Variants in HCN1 observed in about 807,000 individuals in gnomAD.
HCN1 encodes the protein hyperpolarization activated cyclic nucleotide gated potassium channel 1, also known as potassium/sodium hyperpolarization-activated cyclic nucleotide-gated channel 1.
HCN1 carries 13 observed loss-of-function variants against 78.9 expected under a neutral mutation model. The ratio of observed to expected loss-of-function variants is 0.16; its 90% CI spans 0.11 to 0.26. The LOEUF is 0.26. HCN1 is among the 10% of genes least tolerant of loss of function. The pLI, the probability that HCN1 is intolerant of heterozygous loss-of-function variation, is 1.00. For missense variants in HCN1, 810 were observed against 1,154.3 expected (o/e 0.70, Z 4.32); for synonymous variants, 552 against 455.5 (o/e 1.21, Z -2.70).
chr5:45,640,876 C>T (rs1745442587), intron 2 of HCN1, among the ~76,000 whole-genome samples: 1 of 147,344 alleles, frequency 6.8e-6, no homozygotes, highest in African/African-American at 2.5e-5. Context: ...AAAAAAAAAG[C>T]CTTTCCAAAT....
At chr5:45,328,394 C>T (rs1014814860) in intron 5 of HCN1, among the ~76,000 whole-genome samples, 1 of 151,560 alleles carries the variant, frequency 6.6e-6, no homozygotes, top group Admixed American at 6.6e-5. Context: ...TTATGGCTCT[C>T]TGGCATATAC....
chr5:45,684,600 C>G (rs1265084316), intron 1 of HCN1, among the ~76,000 whole-genome samples: 2 of 152,190 alleles, frequency 1.3e-5, no homozygotes, highest in Non-Finnish European at 2.9e-5. Flanking sequence ...GTGGCTCACG[C>G]CTGTAAACCC....
intron 1 of HCN1, among the ~76,000 whole-genome samples, chr5:45,690,628 A>G (rs539801196): frequency 6.6e-6 from 1 of 152,198 alleles, no homozygotes; most frequent in African/African-American, 2.4e-5. Flanking sequence ...ATGCCTTCAC[A>G]AAGAAAATTA....
intron 1 of HCN1, among the ~76,000 whole-genome samples, chr5:45,658,468 G>A (rs1403969342): frequency 6.6e-6 from 1 of 152,156 alleles, no homozygotes; most frequent in Admixed American, 6.5e-5. Context: ...GGCCGAATAG[G>A]AACAGCTCCA....
intron 1 of HCN1, among the ~76,000 whole-genome samples, chr5:45,688,295 G>T (rs929060847): frequency 5.3e-5 from 8 of 152,118 alleles, no homozygotes; most frequent in African/African-American, 1.9e-4. Flanking sequence ...ATGTAAAAGA[G>T]TTGAAGTGAC....
At chr5:45,627,056 C>T (rs187687761) in intron 2 of HCN1, among the ~76,000 whole-genome samples, 2 of 152,038 alleles carry the variant, frequency 1.3e-5, no homozygotes, top group East Asian at 1.9e-4. Flanking sequence ...TTTTCCTGCA[C>T]TTCTGTTCCA....
intron 4 of HCN1, among the ~76,000 whole-genome samples, chr5:45,364,892 T>TTAGAA (rs1386675520): frequency 6.6e-6 from 1 of 152,038 alleles, no homozygotes; most frequent in Non-Finnish European, 1.5e-5. Context: ...TAGTTGAGAT[T>TTAGAA]TAGATTAGAT....
In HCN1 at chr5:45,561,846, G is replaced by A. The variant is rs79093162; in HGVS notation, c.849+83339C>T. Among the ~76,000 whole-genome samples, 470 of 152,238 alleles carry A rather than the reference G, an allele frequency of 3.1e-3. 1 individual carries two copies. The highest frequency in any genetic ancestry group is 0.014 in the Middle Eastern group (4 of 294). ...TAACAAAATCCTAACTCTGGACATG[G>A]AAACTTCCCTGGATGGTGAACACAT... is the stretch of plus-strand genomic sequence containing the variant. On this transcript the variant is annotated intron_variant, in intron 2 of 7. Coordinates refer to ENST00000303230, the MANE Select transcript of HCN1 (RefSeq NM_021072.4).
intron 3 of HCN1, among the ~76,000 whole-genome samples, chr5:45,442,174 C>A (rs1740691664): frequency 6.6e-6 from 1 of 152,090 alleles, no homozygotes; most frequent in African/African-American, 2.4e-5. Flanking sequence ...GGCAACAAAT[C>A]TTCAAAGTCC....
intron 2 of HCN1, among the ~76,000 whole-genome samples, chr5:45,577,744 A>T (rs1056514382): frequency 6.6e-6 from 1 of 152,126 alleles, no homozygotes. Flanking sequence ...TATAAAACTT[A>T]TCACATGAAG....
chr5:45,286,040 A>G (rs1745263262), intron 6 of HCN1, among the ~76,000 whole-genome samples: 1 of 151,940 alleles, frequency 6.6e-6, no homozygotes, highest in Non-Finnish European at 1.5e-5. Flanking sequence ...CTAAGTTTCT[A>G]AGATTCTCAG....
At chr5:45,505,513 T>G (rs1301647878) in intron 2 of HCN1, among the ~76,000 whole-genome samples, 1 of 152,134 alleles carries the variant, frequency 6.6e-6, no homozygotes, top group Admixed American at 6.6e-5. Flanking sequence ...AGCCTTGTAG[T>G]ATAGTTTGAA....
intron 6 of HCN1, among the ~76,000 whole-genome samples, chr5:45,295,651 C>T (rs1392038997): frequency 1.3e-5 from 2 of 151,980 alleles, no homozygotes; most frequent in Admixed American, 6.6e-5. Flanking sequence ...AAATAAGTCT[C>T]CTTAGCTTAC....
intron 2 of HCN1, among the ~76,000 whole-genome samples, chr5:45,581,571 T>G (rs1408535360): frequency 5.3e-5 from 8 of 152,194 alleles, no homozygotes; most frequent in Non-Finnish European, 8.8e-5. Context: ...TTGCTTTTGG[T>G]GTTTTAAACA....
At chr5:45,618,232 C>A (rs1336746301) in intron 2 of HCN1, among the ~76,000 whole-genome samples, 2 of 151,874 alleles carry the variant, frequency 1.3e-5, no homozygotes, top group Non-Finnish European at 1.5e-5. Context: ...GGGAAGGAAT[C>A]CTGGAAGATA....
chr5:45,634,941 G>T (rs1177163825), intron 2 of HCN1, among the ~76,000 whole-genome samples: 2 of 152,000 alleles, frequency 1.3e-5, no homozygotes, highest in Non-Finnish European at 2.9e-5. Context: ...CTAAGAAACT[G>T]TCACACTCAC....
At chr5:45,488,213 T>G (rs1386778013) in intron 2 of HCN1, among the ~76,000 whole-genome samples, 1 of 152,104 alleles carries the variant, frequency 6.6e-6, no homozygotes, top group Non-Finnish European at 1.5e-5. Context: ...ATAATTCTCT[T>G]ATGCTTCTTT....
chr5:45,457,402 C>T (rs1215150426), intron 3 of HCN1, among the ~76,000 whole-genome samples: 1 of 152,058 alleles, frequency 6.6e-6, no homozygotes, highest in African/African-American at 2.4e-5. Context: ...GGGAATAAAA[C>T]TAATCTTATT....
At chr5:45,318,070 T>C (rs1323503438) in intron 5 of HCN1, among the ~76,000 whole-genome samples, 1 of 152,206 alleles carries the variant, frequency 6.6e-6, no homozygotes, top group Non-Finnish European at 1.5e-5. Flanking sequence ...ATTGGGTATA[T>C]ACTCAAAGGA....
Sources: gnomAD v4.1 joint callset for allele counts (sites outside exome capture counted in the v4.1 genomes callset) on GRCh38, gnomAD v4.1.1 for gene constraint, MANE v1.5 for transcripts, NCBI Gene and HGNC (gene_info 2026-07-23, HGNC 2026-07-21) for gene names.